Variants in STRN4 observed in about 807,000 individuals in gnomAD.
STRN4 encodes the protein striatin 4.
In STRN4, 27 loss-of-function variants were observed where a neutral mutation model predicts 77.9. That is an observed-to-expected ratio of 0.35 (90% confidence interval 0.26 to 0.48). The LOEUF (loss-of-function observed/expected upper bound fraction) is 0.48, where lower values mean the gene tolerates loss of function less well. STRN4 is among the 20% of genes least tolerant of loss of function. The pLI is 0.99. For synonymous variants in STRN4, 466 were observed against 443.1 expected, an observed-to-expected ratio of 1.05 and a Z score of -0.65; for missense variants, 798 against 1,049.7, an observed-to-expected ratio of 0.76 and a Z score of 3.31.
At chr19:46,720,367 G>A (rs1016711346) in intron 17 of STRN4, 29 bp from the exon 18 acceptor site, 2 of 412,126 alleles carry the variant, frequency 4.9e-6, no homozygotes, top group African/African-American at 2.0e-5. Flanking sequence ...AGGGGAGACT[G>A]AGCCGCCGCC....
intron 9 of STRN4, 66 bp from the exon 10 acceptor site, chr19:46,725,714 C>T: frequency 1.9e-6 from 3 of 1,567,414 alleles, no homozygotes; most frequent in Non-Finnish European, 1.7e-6. Context: ...GACACCGACA[C>T]CCAGGGCTTG....
At chr19:46,743,526 C>T (rs2054510850) in intron 1 of STRN4, among the ~76,000 whole-genome samples, 1 of 152,108 alleles carries the variant, frequency 6.6e-6, no homozygotes, top group Non-Finnish European at 1.5e-5. Context: ...CTTGGGTGAC[C>T]CTGGGGAGGC....
Position 46,722,852 on chromosome 19 carries a change from C to G in STRN4, c.1864G>C (p.Val622Leu). Reference protein sequence around the residue: ...SGDTVLYDMEVGSALLTLESR... With the variant: ...SGDTVLYDMELGSALLTLESR... ...TCCAGCGTGAGGAGGGCACTGCCAA[C>G]CTCCATGTCATACAAGACGGTGTCG... is the stretch of plus-strand genomic sequence containing the variant. The change falls in exon 14 of 18, where the codon GTT (valine) becomes CTT (leucine). Residue 622 changes from valine to leucine, a missense_variant. Val to Leu is a conservative substitution (Grantham distance 32). Coordinates refer to ENST00000263280, the MANE Select transcript of STRN4 (RefSeq NM_013403.3). 1 of 1,613,964 alleles carries G rather than the reference C, an allele frequency of 6.2e-7. No individual in the cohort carries two copies. The highest frequency in any genetic ancestry group is 8.5e-7 in the Non-Finnish European group (1 of 1,180,040).
At chr19:46,724,420 C>T (rs2054057328) in intron 12 of STRN4, among the ~76,000 whole-genome samples, 1 of 152,186 alleles carries the variant, frequency 6.6e-6, no homozygotes, top group South Asian at 2.1e-4. Flanking sequence ...TCTGGACATG[C>T]CCTCCCCTCA....
At chr19:46,736,538 T>C (rs867461000) in intron 4 of STRN4, 101 of 125,644 alleles carry the variant, frequency 8.0e-4, no homozygotes, top group African/African-American at 3.4e-3. Context: ...ACAGGGCTCC[T>C]ATGGCCACTG....
At chr19:46,722,450 T>C (rs1457269220) in intron 14 of STRN4, 110 bp from the exon 15 acceptor site, 1 of 1,187,628 alleles carries the variant, frequency 8.4e-7, no homozygotes, top group Non-Finnish European at 1.2e-6. Context: ...TGCCTGGATG[T>C]CGAGGGGGGC....
chr19:46,725,544 C>T lies in STRN4; in HGVS notation c.1353G>A (p.Ser451=), dbSNP rs1000617164. The T allele has an allele frequency of 3.1e-6, 5 of 1,614,198 alleles. No individual in the cohort carries two copies. Among genetic ancestry groups the T allele is most frequent in the Non-Finnish European group, 3.4e-6 (4 of 1,180,034 alleles). ...IRSLAFHHSQ[S]ALLTASEDGT... ...CGTCCTCGGAGGCGGTGAGCAGAGC[C>T]GACTGGCTGTGGTGGAAGGCCAGGG... Residue 451 remains serine, a synonymous_variant, in exon 10 of 18, where the codon TCG becomes TCA. Coordinates refer to ENST00000263280, the MANE Select transcript of STRN4 (RefSeq NM_013403.3).
intron 6 of STRN4, 80 bp downstream of exon 6, chr19:46,730,652 G>C: frequency 6.4e-7 from 1 of 1,569,504 alleles, no homozygotes; most frequent in Non-Finnish European, 8.6e-7. Flanking sequence ...CGCAGCCCCT[G>C]AAGGCCCAGG....
intron 7 of STRN4, 61 bp downstream of exon 7, chr19:46,728,557 C>A: frequency 6.4e-7 from 1 of 1,571,766 alleles, no homozygotes; most frequent in Non-Finnish European, 8.6e-7. Flanking sequence ...GGCAGCTGAG[C>A]CTGCTCCCAC....
rs1342578300 is a variant in STRN4, at chr19:46,719,792, G to A, written c.*613C>T. On this transcript the variant is annotated 3_prime_UTR_variant, in exon 18 of 18. Coordinates refer to ENST00000263280, the MANE Select transcript of STRN4 (RefSeq NM_013403.3). ...GCCCACTCCACCCTCCATGCCCCAG[G>A]GAGGGGCACAAGAAAGCCGTCTCTA... 3 of 152,350 alleles carry A rather than the reference G, an allele frequency of 2.0e-5. No individual in the cohort carries two copies. The highest frequency in any genetic ancestry group is 3.9e-4 in the East Asian group (2 of 5,176). 9.4% of individuals were successfully genotyped at this position (152,350 alleles called of 1,614,324 possible). A position where few individuals can be genotyped will look rare whatever the true frequency, so the allele number is the denominator to read the frequency against.
chr19:46,745,312 C>A (rs2054560583), intron 1 of STRN4, among the ~76,000 whole-genome samples: 3 of 152,150 alleles, frequency 2.0e-5, no homozygotes, highest in Admixed American at 1.3e-4. Context: ...CCCATCCAGG[C>A]TCCTAGGGTA....
In STRN4 at chr19:46,741,781, G is replaced by GCATCTCTGAATTCGCTGCTT. The variant is rs1338452029; in HGVS notation, c.283-2894_283-2893insAAGCAGCGAATTCAGAGATG. 6.6e-6 allele frequency among the ~76,000 whole-genome samples: 1 copy of GCATCTCTGAATTCGCTGCTT among 152,230 alleles called. No homozygotes were observed. Among genetic ancestry groups the GCATCTCTGAATTCGCTGCTT allele is most frequent in the Non-Finnish European group, 1.5e-5 (1 of 68,046 alleles). On this transcript the variant is annotated intron_variant, in intron 1 of 17. Coordinates refer to ENST00000263280, the MANE Select transcript of STRN4 (RefSeq NM_013403.3). The surrounding 1 kb of genome is among the most constrained non-coding windows in gnomAD (Gnocchi z 4.9). Reference sequence around the variant, plus strand: ...CAATTCAGTCCTCCCAGGAGCTGATGCCTCTCTGAATTCGCTGCTTCCTGT... The same window carrying GCATCTCTGAATTCGCTGCTT: ...CAATTCAGTCCTCCCAGGAGCTGATGCATCTCTGAATTCGCTGCTTCCTCTCTGAATTCGCTGCTTCCTGT...
At position 46,723,571 on chromosome 19, in the gene STRN4, A is replaced by G. The variant is rs1267179504; in HGVS notation, c.1595-287T>C. ...GGCCCAGAAACTGGGAGCTCAATAC[A>G]GAATTTTTCGGGCTCCATTAAGGAA... On this transcript the variant is annotated intron_variant, in intron 12 of 17. Coordinates refer to ENST00000263280, the MANE Select transcript of STRN4 (RefSeq NM_013403.3). The surrounding 1 kb of genome is among the most constrained non-coding windows in gnomAD (Gnocchi z 5.5). Among the ~76,000 whole-genome samples the G allele has an allele frequency of 6.6e-6, 1 of 152,198 alleles. No individual in the cohort carries two copies. The highest frequency in any genetic ancestry group is 2.4e-5 in the African/African-American group (1 of 41,448).
rs2054012608 is a variant in STRN4, at chr19:46,722,852, C to T, written c.1864G>A (p.Val622Ile). 1 of 1,613,964 alleles carries T rather than the reference C, an allele frequency of 6.2e-7. No homozygotes were observed. Among genetic ancestry groups the T allele is most frequent in the East Asian group, 2.2e-5 (1 of 44,894 alleles). The change falls in exon 14 of 18, where the codon GTT becomes ATT. Residue 622 changes from valine to isoleucine, a missense_variant. Val to Ile is a conservative substitution (Grantham distance 29). Coordinates refer to ENST00000263280, the MANE Select transcript of STRN4 (RefSeq NM_013403.3). ...TCCAGCGTGAGGAGGGCACTGCCAACCTCCATGTCATACAAGACGGTGTCG... is the reference window on the plus strand; with the variant it reads ...TCCAGCGTGAGGAGGGCACTGCCAATCTCCATGTCATACAAGACGGTGTCG... ...SGDTVLYDMEVGSALLTLESR... is the reference protein window; with the variant it reads ...SGDTVLYDMEIGSALLTLESR...
chr19:46,725,820 C>T (rs549179799), intron 9 of STRN4, 172 bp from the exon 10 acceptor site: 102 of 815,886 alleles, frequency 1.3e-4, no homozygotes, highest in Non-Finnish European at 1.8e-4. Context: ...TGGGCAGAGT[C>T]TCCATGCTCG....
In STRN4 at chr19:46,723,276, C is replaced by G. The variant is rs200300490; in HGVS notation, c.1603G>C (p.Val535Leu). Residue 535 changes from valine to leucine, a missense_variant, in exon 13 of 18, where the codon GTG becomes CTG. By Grantham distance (32) the Val-to-Leu change is conservative. Transcript: ENST00000263280. This position sits in a 1 kb window ranked among gnomAD's most constrained non-coding sequence, Gnocchi z 5.5. ...MDPYDGYDPS[V>L]LSHVLEGHGD... Reference sequence around the variant, plus strand: ...TGGCCCTCCAGGACGTGGCTCAGCACGCTTGGGTCTGCACCCACCGCAGGG... The same window carrying G: ...TGGCCCTCCAGGACGTGGCTCAGCAGGCTTGGGTCTGCACCCACCGCAGGG... The G allele has an allele frequency of 2.4e-4, 370 of 1,545,552 alleles. No homozygotes were observed. The highest frequency in any genetic ancestry group is 3.0e-4 in the Non-Finnish European group (342 of 1,147,264).
At position 46,733,111 on chromosome 19, in the gene STRN4, G is replaced by A. The variant is rs776347355; in HGVS notation, c.665C>T (p.Ala222Val). The stretch of plus-strand genomic sequence containing the variant: ...ACTGAGCCCTGCAGGGCCTGGTGGA[G>A]CCCTGGGGGCCCCTTCACTCGGCTC... ...AVEPSEGAPR[A>V]PPGPAGLSGG... The change falls in exon 5 of 18, where the codon GCT (alanine) becomes GTT (valine). Residue 222 changes from alanine (A) to valine (V), a missense_variant. By Grantham distance (64) the Ala-to-Val change is moderately conservative. Around this residue, in one of 2 missense-constraint regions of STRN4, gnomAD observed 511 missense variants for 575.9 expected, o/e 0.89. Coordinates refer to ENST00000263280, the MANE Select transcript of STRN4 (RefSeq NM_013403.3). The surrounding 1 kb of genome is among the most constrained non-coding windows in gnomAD (Gnocchi z 4.3). 1.9e-6 allele frequency: 3 copies of A among 1,613,216 alleles called. No homozygotes were observed. The highest frequency in any genetic ancestry group is 1.6e-4 in the Middle Eastern group (1 of 6,062).
chr19:46,723,557 T>A lies in STRN4; in HGVS notation c.1595-273A>T, dbSNP rs550530228. ...GTCTCCCCAAGCAGGGCCCAGAAAC[T>A]GGGAGCTCAATACAGAATTTTTCGG... On this transcript the variant is annotated intron_variant, in intron 12 of 17. Coordinates refer to ENST00000263280, the MANE Select transcript of STRN4 (RefSeq NM_013403.3). This position sits in a 1 kb window ranked among gnomAD's most constrained non-coding sequence, Gnocchi z 5.5. 1.2e-4 allele frequency among the ~76,000 whole-genome samples: 18 copies of A among 152,318 alleles called. No homozygotes were observed. Among genetic ancestry groups the A allele is most frequent in the Admixed American group, 1.0e-3 (16 of 15,306 alleles).
intron 5 of STRN4, 47 bp downstream of exon 5, chr19:46,732,992 C>T (rs778241280): frequency 5.7e-6 from 9 of 1,567,684 alleles, no homozygotes; most frequent in Non-Finnish European, 7.0e-6. Context: ...CCTTCACCAG[C>T]AGTCAGGAGG....
Sources: gnomAD v4.1 joint callset for allele counts (sites outside exome capture counted in the v4.1 genomes callset) on GRCh38, gnomAD v4.1.1 for gene constraint, gnomAD v4.1.1 regional missense constraint, Gnocchi (gnomAD v3.1) non-coding constraint, MANE v1.5 for transcripts, NCBI Gene and HGNC (gene_info 2026-07-23, HGNC 2026-07-21) for gene names.